The following ZNF558 variants were observed in gnomAD, a reference collection of about 807,000 sequenced individuals.
ZNF558 encodes the protein zinc finger protein 558.
Under a neutral mutation model 37.6 loss-of-function variants are expected in ZNF558, and 23 were observed. The observed-to-expected ratio is 0.61, with a 90% confidence interval of 0.44 to 0.87. ZNF558 has a LOEUF of 0.87. ZNF558 is among the 40% of genes least tolerant of loss of function. The pLI, the probability that ZNF558 is intolerant of heterozygous loss-of-function variation, is 0.00. For synonymous variants in ZNF558, 189 were observed against 174.4 expected (o/e 1.08, Z -0.66); for missense variants, 429 against 483.7 (o/e 0.89, Z 1.06).
In ZNF558 at chr19:8,811,493, A is replaced by G. The variant is rs376264596; in HGVS notation, c.997T>C (p.Phe333Leu). ...ATTCTCTTGTGCACAGTAAGAGAAA[A>G]GCTACTGCTGAAGGATTTCCCACAC... is the stretch of plus-strand genomic sequence containing the variant. ...NECGKSFSSS[F>L]SLTVHKRIHT... Residue 333 changes from phenylalanine (F) to leucine (L), a missense_variant, in exon 10 of 10, where the codon TTT (phenylalanine) becomes CTT (leucine). Transcript: ENST00000601372. 1.7e-5 allele frequency: 28 copies of G among 1,614,036 alleles called. No individual in the cohort carries two copies. Among genetic ancestry groups the G allele is most frequent in the Non-Finnish European group, 2.5e-6 (3 of 1,180,020 alleles).
Position 8,812,001 on chromosome 19 carries a change from C to T in ZNF558, c.489G>A (p.Thr163=), listed in dbSNP as rs139393484. 3.6e-3 allele frequency: 5,877 copies of T among 1,613,172 alleles called. 17 individuals are homozygous for T. The highest frequency in any genetic ancestry group is 4.4e-3 in the Non-Finnish European group (5,173 of 1,179,556). ...TCTTGTGCTGAGTTAGGTTAGATTT[C>T]GTGCTGAAGACTTTAAAACACTGAT... is the stretch of plus-strand genomic sequence containing the variant. ...ECNQCFKVFS[T]KSNLTQHKRI... Residue 163 remains threonine (T), a synonymous_variant, in exon 10 of 10, where the codon ACG becomes ACA. Transcript: ENST00000601372.
Position 8,811,412 on chromosome 19 carries a change from GATT to G in ZNF558, c.1075_1077del (p.Asn359del), listed in dbSNP as rs782158711. 5.0e-6 allele frequency: 8 copies of G among 1,613,900 alleles called. No individual in the cohort carries two copies. The highest frequency in any genetic ancestry group is 4.5e-5 in the East Asian group (2 of 44,880). ...CTTAAGTGTTTCTTCACAGCTGAGA[GATT>G]ATTAAAGGCTTTTCCACAGTCACTG... is the stretch of plus-strand genomic sequence containing the variant. On this transcript the variant is annotated inframe_deletion, in exon 10 of 10. Coordinates refer to ENST00000601372, the MANE Select transcript of ZNF558 (RefSeq NM_144693.3).
chr19:8,834,391 C>T (rs1314901734), upstream of ZNF558, among the ~76,000 whole-genome samples: 1 of 151,672 alleles, frequency 6.6e-6, no homozygotes, highest in African/African-American at 2.4e-5. Context: ...AGGCAGATCA[C>T]GAGGTCAAGA....
At chr19:8,833,817 G>A (rs1055611278), upstream of ZNF558, among the ~76,000 whole-genome samples, 5 of 152,038 alleles carry the variant, frequency 3.3e-5, no homozygotes, top group African/African-American at 4.8e-5. Context: ...GTGAAACCCC[G>A]TCTCTACTAA....
At chr19:8,820,584 C>T (rs2044059093) in intron 7 of ZNF558, among the ~76,000 whole-genome samples, 1 of 149,636 alleles carries the variant, frequency 6.7e-6, no homozygotes, top group Admixed American at 6.7e-5. Flanking sequence ...CTGGTTCAAG[C>T]GATTCTCCTG....
intron 1 of ZNF558, among the ~76,000 whole-genome samples, chr19:8,831,737 A>G (rs946890221): frequency 1.3e-5 from 2 of 152,190 alleles, no homozygotes; most frequent in African/African-American, 4.8e-5. Flanking sequence ...AATTTTTAAC[A>G]ATTTATGTAG....
chr19:8,818,041 G>A (rs2043984395), intron 7 of ZNF558, among the ~76,000 whole-genome samples: 1 of 152,110 alleles, frequency 6.6e-6, no homozygotes, highest in Non-Finnish European at 1.5e-5. Context: ...CATCTCAAAT[G>A]CACATGGAAC....
Position 8,821,282 on chromosome 19 carries a change from C to A in ZNF558, c.145G>T (p.Ala49Ser). ...LRGLVTFEDV[A>S]VEFTQEEWAL... ...CACTCCTCCTGGGTGAACTCCACGG[C>A]CACATCCTCGAAGGTTACCAAGCCC... Residue 49 changes from alanine (A) to serine (S), a missense_variant, in exon 7 of 10, where the codon GCC (alanine) becomes TCC (serine). Transcript: ENST00000601372. 6.2e-7 allele frequency: 1 copy of A among 1,614,178 alleles called. No individual in the cohort carries two copies. The highest frequency in any genetic ancestry group is 8.5e-7 in the Non-Finnish European group (1 of 1,180,038).
chr19:8,807,353 G>A lies in ZNF558; in HGVS notation c.*3928C>T, dbSNP rs1362183567. On this transcript the variant is annotated 3_prime_UTR_variant, in exon 10 of 10. Coordinates refer to ENST00000601372, the MANE Select transcript of ZNF558 (RefSeq NM_144693.3). The stretch of plus-strand genomic sequence containing the variant: ...CCCTGGATCCTGTCCACAGGACTGA[G>A]TAGACCCTTTATGAAAACTCTACTT... 6.6e-6 allele frequency: 1 copy of A among 152,212 alleles called. No homozygotes were observed. The highest frequency in any genetic ancestry group is 2.4e-5 in the African/African-American group (1 of 41,436). 9.4% of individuals were successfully genotyped at this position (152,212 alleles called of 1,614,324 possible). A position where few individuals can be genotyped will look rare whatever the true frequency, so the allele number is the denominator to read the frequency against.
chr19:8,832,832 A>G (rs2044396020), upstream of ZNF558, among the ~76,000 whole-genome samples: 1 of 151,368 alleles, frequency 6.6e-6, no homozygotes, highest in Non-Finnish European at 1.5e-5. Flanking sequence ...TGTGGTTGTG[A>G]CAGCCCTGGA....
intron 7 of ZNF558, among the ~76,000 whole-genome samples, chr19:8,817,477 G>C (rs2043967304): frequency 6.6e-6 from 1 of 151,734 alleles, no homozygotes; most frequent in Non-Finnish European, 1.5e-5. Flanking sequence ...TTCTGAGCAT[G>C]TTTAGGCTAG....
chr19:8,821,871 C>A, intron 6 of ZNF558, 132 bp downstream of exon 6: 1 of 1,524,804 alleles, frequency 6.6e-7, no homozygotes, highest in East Asian at 2.3e-5. Flanking sequence ...CCTCACCCTC[C>A]ATCTGATGCC....
chr19:8,820,318 A>T (rs1384972392), intron 7 of ZNF558, among the ~76,000 whole-genome samples: 1 of 152,176 alleles, frequency 6.6e-6, no homozygotes, highest in Non-Finnish European at 1.5e-5. Context: ...CGTACACAAA[A>T]ATTCATAGTA....
chr19:8,821,582 C>A (rs2044092131), intron 6 of ZNF558: 2 of 1,370,156 alleles, frequency 1.5e-6, no homozygotes, highest in African/African-American at 1.5e-5. Flanking sequence ...TACCACAGAG[C>A]AGCTGCCTTT....
intron 2 of ZNF558, among the ~76,000 whole-genome samples, chr19:8,826,379 A>C (rs980265211): frequency 2.6e-5 from 4 of 151,862 alleles, no homozygotes; most frequent in African/African-American, 9.7e-5. Flanking sequence ...CATAATATAG[A>C]GTCAGTGGGA....
In ZNF558 at chr19:8,811,997, A is replaced by T. The variant is rs781809014; in HGVS notation, c.493T>A (p.Ser165Thr). ...ATTCTCTTGTGCTGAGTTAGGTTAG[A>T]TTTCGTGCTGAAGACTTTAAAACAC... ...NQCFKVFSTK[S>T]NLTQHKRIHT... The change falls in exon 10 of 10, where the codon TCT becomes ACT. Residue 165 changes from serine (S) to threonine (T), a missense_variant. By Grantham distance (58) the Ser-to-Thr change is moderately conservative. Coordinates refer to ENST00000601372, the MANE Select transcript of ZNF558 (RefSeq NM_144693.3). The T allele has an allele frequency of 1.4e-5, 22 of 1,613,618 alleles. No homozygotes were observed. In the South Asian group the frequency reaches 2.3e-4, roughly 17 times the overall value.
intron 7 of ZNF558, among the ~76,000 whole-genome samples, chr19:8,820,074 C>G (rs550025441): frequency 1.3e-5 from 2 of 152,076 alleles, no homozygotes; most frequent in Non-Finnish European, 2.9e-5. Context: ...TAGAAAAATG[C>G]AAATCAAAAC....
chr19:8,821,539 T>C (rs1199435238), intron 6 of ZNF558: 11 of 1,428,494 alleles, frequency 7.7e-6, no homozygotes, highest in Non-Finnish European at 1.8e-6. Context: ...TCAATGCTTG[T>C]CTCCTTAGGC....
rs569672753 is a variant in ZNF558, at chr19:8,807,610, G to C, written c.*3671C>G. 3 of 152,052 alleles carry C rather than the reference G, an allele frequency of 2.0e-5. No individual in the cohort carries two copies. The highest frequency in any genetic ancestry group is 7.3e-5 in the African/African-American group (3 of 41,374). The allele number at this position is 152,052 out of a possible 1,614,324, so 9.4% of individuals were successfully genotyped here. ...GCCTTTGCATGCCAACACTACTCTTGCAAGACAAATTCATATGACTCACTG... is the reference window on the plus strand; with the variant it reads ...GCCTTTGCATGCCAACACTACTCTTCCAAGACAAATTCATATGACTCACTG... On this transcript the variant is annotated 3_prime_UTR_variant, in exon 10 of 10. Coordinates refer to ENST00000601372, the MANE Select transcript of ZNF558 (RefSeq NM_144693.3).
Sources: allele counts gnomAD v4.1 joint callset (sites outside exome capture counted in the v4.1 genomes callset), GRCh38; gene constraint gnomAD v4.1.1; transcripts MANE v1.5; gene names NCBI Gene and HGNC (gene_info 2026-07-23, HGNC 2026-07-21).